Variants in ARHGAP15 observed in about 807,000 individuals in gnomAD.
ARHGAP15 encodes rho GTPase-activating protein 15.
In ARHGAP15, 51 loss-of-function variants were observed where a neutral mutation model predicts 63.7. The ratio of observed to expected loss-of-function variants is 0.80; its 90% confidence interval spans 0.64 to 1.01. The LOEUF (loss-of-function observed/expected upper bound fraction) is 1.01, where lower values mean the gene tolerates loss of function less well. ARHGAP15 is among the 50% of genes least tolerant of loss of function. ARHGAP15 has a pLI of 0.00. For synonymous variants in ARHGAP15, 191 were observed against 193.8 expected, an observed-to-expected ratio of 0.99 and a Z score of 0.12; for missense variants, 560 against 564.6, an observed-to-expected ratio of 0.99 and a Z score of 0.08.
intron 5 of ARHGAP15, chr2:143,235,902 T>C: frequency 2.0e-6 from 3 of 1,526,446 alleles, no homozygotes; most frequent in Non-Finnish European, 2.6e-6. Flanking sequence ...AGCACTTCAT[T>C]TGCAGCTTGA....
At chr2:143,408,876 T>C (rs1688325188) in intron 6 of ARHGAP15, among the ~76,000 whole-genome samples, 1 of 151,920 alleles carries the variant, frequency 6.6e-6, no homozygotes, top group East Asian at 1.9e-4. Context: ...GAAGGAAGAA[T>C]GATAGCTTAA....
chr2:143,479,278 C>T (rs1574505584), intron 8 of ARHGAP15, among the ~76,000 whole-genome samples: 1 of 151,310 alleles, frequency 6.6e-6, no homozygotes, highest in African/African-American at 2.4e-5. Flanking sequence ...GTGTTAATTT[C>T]GTAGAAGGCA....
chr2:143,729,721 C>T (rs529064876), intron 13 of ARHGAP15, among the ~76,000 whole-genome samples: 6 of 152,158 alleles, frequency 3.9e-5, no homozygotes, highest in Non-Finnish European at 8.8e-5. Context: ...AAGTTACAAG[C>T]TAAGATAGAT....
chr2:143,394,682 T>A (rs1342296676), intron 6 of ARHGAP15, among the ~76,000 whole-genome samples: 1 of 152,198 alleles, frequency 6.6e-6, no homozygotes, highest in Non-Finnish European at 1.5e-5. Context: ...CATCTTTTTT[T>A]AAATCCTAGT....
At chr2:143,538,839 C>A (rs1316551689) in intron 10 of ARHGAP15, among the ~76,000 whole-genome samples, 1 of 152,110 alleles carries the variant, frequency 6.6e-6, no homozygotes, top group East Asian at 1.9e-4. Context: ...GTCTAAAATT[C>A]TCTTTTTTTG....
rs570226840 is a variant in ARHGAP15, at chr2:143,485,064, T to C, written c.704-2309T>C. Among the ~76,000 whole-genome samples, 17 of 152,066 alleles carry C rather than the reference T, an allele frequency of 1.1e-4. No homozygotes were observed. In the South Asian group the frequency reaches 3.3e-3, roughly 30 times the overall value. ...ACTCTCAGACCTATAGTACCCATTT[T>C]TTAAAGTTTACTTTAATTTAAAAAA... On this transcript the variant is annotated intron_variant, in intron 8 of 13. Coordinates refer to ENST00000295095, the MANE Select transcript of ARHGAP15 (RefSeq NM_018460.4).
intron 9 of ARHGAP15, among the ~76,000 whole-genome samples, chr2:143,513,573 T>C (rs1693678630): frequency 1.3e-5 from 2 of 152,364 alleles, no homozygotes; most frequent in East Asian, 3.9e-4. Flanking sequence ...ACTCCTCTAC[T>C]GAAACCATTT....
At chr2:143,733,961 ATTTGT>A (rs1043636189) in intron 13 of ARHGAP15, among the ~76,000 whole-genome samples, 34 of 152,158 alleles carry the variant, frequency 2.2e-4, no homozygotes, top group African/African-American at 3.9e-4. Flanking sequence ...TCTGCAAAAA[ATTTGT>A]TTTAAGAAAT....
At chr2:143,224,909 C>G (rs553034318) in intron 4 of ARHGAP15, among the ~76,000 whole-genome samples, 1 of 152,282 alleles carries the variant, frequency 6.6e-6, no homozygotes, top group East Asian at 1.9e-4. Context: ...ATGGATGAAG[C>G]TGGATACCAT....
intron 6 of ARHGAP15, among the ~76,000 whole-genome samples, chr2:143,427,737 GC>G (rs1357818056): frequency 6.6e-6 from 1 of 151,982 alleles, no homozygotes; most frequent in African/African-American, 2.4e-5. Flanking sequence ...CCTTCAGACT[GC>G]CATTATCAAT....
At chr2:143,410,117 A>C (rs1688383011) in intron 6 of ARHGAP15, among the ~76,000 whole-genome samples, 1 of 152,200 alleles carries the variant, frequency 6.6e-6, no homozygotes, top group South Asian at 2.1e-4. Context: ...GAAGGGTACT[A>C]TATAAATAAA....
At chr2:143,322,497 T>A (rs1373731055) in intron 6 of ARHGAP15, among the ~76,000 whole-genome samples, 1 of 152,140 alleles carries the variant, frequency 6.6e-6, no homozygotes, top group Non-Finnish European at 1.5e-5. Context: ...CATGATGGAT[T>A]TCCTACTAAA....
At chr2:143,682,426 A>G (rs2105373565) in intron 12 of ARHGAP15, among the ~76,000 whole-genome samples, 1 of 152,316 alleles carries the variant, frequency 6.6e-6, no homozygotes, top group East Asian at 1.9e-4. Flanking sequence ...AATGAATGTG[A>G]CTTTAAGAAA....
At chr2:143,659,670 G>C (rs1574789803) in intron 12 of ARHGAP15, among the ~76,000 whole-genome samples, 1 of 152,200 alleles carries the variant, frequency 6.6e-6, no homozygotes, top group Non-Finnish European at 1.5e-5. Context: ...AGACATTAAG[G>C]AGTTGTCTGC....
intron 6 of ARHGAP15, among the ~76,000 whole-genome samples, chr2:143,264,821 C>A (rs1232138717): frequency 6.6e-6 from 1 of 151,744 alleles, no homozygotes; most frequent in African/African-American, 2.4e-5. Flanking sequence ...TATTAACGGA[C>A]CTTGGAAAAA....
At chr2:143,523,894 T>G (rs533612504) in intron 10 of ARHGAP15, among the ~76,000 whole-genome samples, 1 of 152,174 alleles carries the variant, frequency 6.6e-6, no homozygotes, top group Admixed American at 6.5e-5. Context: ...AGAAATTGTA[T>G]GTCATATGCT....
intron 12 of ARHGAP15, among the ~76,000 whole-genome samples, chr2:143,648,240 A>G (rs1257201135): frequency 6.6e-6 from 1 of 152,052 alleles, no homozygotes. Flanking sequence ...TTAATTTATG[A>G]GTTACTGTGC....
At chr2:143,309,894 G>GTGTA (rs963488346) in intron 6 of ARHGAP15, among the ~76,000 whole-genome samples, 1 of 148,600 alleles carries the variant, frequency 6.7e-6, no homozygotes, top group Non-Finnish European at 1.5e-5. Context: ...GTGTGTGTGT[G>GTGTA]TATACACACA....
At chr2:143,739,620 A>G (rs932976938) in intron 13 of ARHGAP15, among the ~76,000 whole-genome samples, 1 of 152,166 alleles carries the variant, frequency 6.6e-6, no homozygotes, top group African/African-American at 2.4e-5. Context: ...TTCTTGAGGT[A>G]TTTCTGGTCT....
Sources: gnomAD v4.1 joint callset for allele counts (sites outside exome capture counted in the v4.1 genomes callset) on GRCh38, gnomAD v4.1.1 for gene constraint, MANE v1.5 for transcripts, NCBI Gene and HGNC (gene_info 2026-07-23, HGNC 2026-07-21) for gene names.